SVIL: variants seen among roughly 807,000 people sequenced by gnomAD.
SVIL encodes the protein supervillin, also known as archvillin.
A neutral mutation model predicts 240.4 loss-of-function variants in SVIL; 101 were observed. The ratio of observed to expected loss-of-function variants is 0.42; its 90% CI spans 0.36 to 0.50. SVIL has a LOEUF of 0.50. SVIL is among the 20% of genes least tolerant of loss of function. The pLI is 0.01. For synonymous variants in SVIL, 999 were observed against 1,100.0 expected (o/e 0.91, Z 1.82); for missense variants, 2,512 against 2,818.7 (o/e 0.89, Z 2.46).
At chr10:29,699,838 G>A (rs1351710075) in intron 1 of SVIL, among the ~76,000 whole-genome samples, 1 of 152,220 alleles carries the variant, frequency 6.6e-6, no homozygotes, top group African/African-American at 2.4e-5. Context: ...TGTCTGCTAT[G>A]CAGTGTCCTC....
intron 13 of SVIL, among the ~76,000 whole-genome samples, chr10:29,525,350 A>G (rs1188173037): frequency 6.6e-6 from 1 of 152,190 alleles, no homozygotes; most frequent in Non-Finnish European, 1.5e-5. Flanking sequence ...CCAACTGGCC[A>G]GGTCTGGTGG....
intron 1 of SVIL, among the ~76,000 whole-genome samples, chr10:29,704,853 T>C (rs1042192137): frequency 6.6e-6 from 1 of 151,938 alleles, no homozygotes; most frequent in African/African-American, 2.4e-5. Flanking sequence ...CTCTCAGGAG[T>C]CCTGGGGATT....
chr10:29,465,696 C>G lies in SVIL; in HGVS notation c.6032G>C (p.Gly2011Ala). Residue 2011 changes from glycine to alanine, a missense_variant, in exon 34 of 38, where the codon GGG becomes GCG. Gly to Ala is a moderately conservative substitution (Grantham distance 60). Coordinates refer to ENST00000355867, the MANE Select transcript of SVIL (RefSeq NM_021738.3). The part of the protein sequence containing the change: ...PRLFILSSSS[G>A]DFAATEFVYP... ...CACAAACTCTGTGGCTGCAAAATCC[C>G]CAGAGGAGCTGCTGAGGATGAACAG... 1.9e-6 allele frequency: 3 copies of G among 1,613,272 alleles called. No individual in the cohort carries two copies. The highest frequency in any genetic ancestry group is 2.5e-6 in the Non-Finnish European group (3 of 1,179,958).
At position 29,678,513 on chromosome 10, in the gene SVIL, C is replaced by CCTG. The variant is rs539150687; in HGVS notation, c.-301+8037_-301+8039dup. ...TCACTCGTTCACCTGCCGCTCACCT[C>CCTG]CTGCTGTGCAGGTTCCAAACAGGCC... On this transcript the variant is annotated intron_variant, in intron 2 of 35. Transcript: ENST00000375400. Among the ~76,000 whole-genome samples, 11 of 152,320 alleles carry CCTG rather than the reference C, an allele frequency of 7.2e-5. No individual in the cohort carries two copies. In the East Asian group the frequency reaches 1.5e-3, roughly 21 times the overall value.
At chr10:29,604,100 C>A (rs191183099) in intron 1 of SVIL, among the ~76,000 whole-genome samples, 36 of 152,122 alleles carry the variant, frequency 2.4e-4, no homozygotes, top group Non-Finnish European at 5.9e-5. Flanking sequence ...ATCCATGGTG[C>A]AGTACAATAA....
intron 1 of SVIL, among the ~76,000 whole-genome samples, chr10:29,601,424 G>A (rs1190630587): frequency 6.6e-6 from 1 of 152,206 alleles, no homozygotes; most frequent in African/African-American, 2.4e-5. Context: ...GTAGAAATGT[G>A]TTTAAACTGA....
At chr10:29,714,376 A>G (rs1003488989) in intron 1 of SVIL, among the ~76,000 whole-genome samples, 4 of 152,244 alleles carry the variant, frequency 2.6e-5, no homozygotes, top group African/African-American at 9.6e-5. Flanking sequence ...TTTAGAAACA[A>G]CATGAGGTGA....
chr10:29,486,203 A>C lies in SVIL; in HGVS notation c.4661T>G (p.Leu1554Arg), dbSNP rs61733424. The change falls in exon 26 of 38, where the codon CTC becomes CGC. Residue 1554 changes from leucine to arginine, a missense_variant. Physicochemically the swap from Leu to Arg is moderately radical, Grantham distance 102 (BLOSUM62 -2). Around this residue, in one of 3 missense-constraint regions of SVIL, gnomAD observed 797 missense variants for 925.3 expected, o/e 0.86. Transcript: ENST00000355867. ...AGTTTCTATTATGGCTGCTTCATAG[A>C]GTTCATCTTCTTTTGGGTCTCCAGC... ...QSAGDPKEDE[L>R]YEAAIIETNC... 9.0e-4 allele frequency: 1,457 copies of C among 1,614,206 alleles called. 15 individuals are homozygous for C. The African/African-American group carries it at 0.018, about 20-fold the overall frequency.
At position 29,584,783 on chromosome 10, in the gene SVIL, C is replaced by G. The variant is rs193153694; in HGVS notation, c.-200-15471G>C. Among the ~76,000 whole-genome samples, 164 of 152,264 alleles carry G rather than the reference C, an allele frequency of 1.1e-3. 1 individual carries two copies. The highest frequency in any genetic ancestry group is 9.3e-3 in the South Asian group (45 of 4,824). ...GGTGGGAAGGGAGGCCGTGGACAGCCCGTGAAGAAGCATCAGAGCCATCCC... is the reference window on the plus strand; with the variant it reads ...GGTGGGAAGGGAGGCCGTGGACAGCGCGTGAAGAAGCATCAGAGCCATCCC... On this transcript the variant is annotated intron_variant, in intron 1 of 37. Transcript: ENST00000355867.
At chr10:29,530,764 TACA>T in intron 10 of SVIL, 96 bp from the exon 11 acceptor site, 2 of 1,318,322 alleles carry the variant, frequency 1.5e-6, no homozygotes, top group Non-Finnish European at 2.2e-6. Context: ...AATCTTTGAA[TACA>T]ACAATAGGTG....
chr10:29,472,588 G>A (rs1211331534), intron 30 of SVIL, among the ~76,000 whole-genome samples: 1 of 152,222 alleles, frequency 6.6e-6, no homozygotes, highest in Non-Finnish European at 1.5e-5. Flanking sequence ...CAGAGCAGAG[G>A]AGACTCAGGC....
In SVIL at chr10:29,532,916, G is replaced by A. The variant is rs1357214134; in HGVS notation, c.1451C>T (p.Thr484Ile). ...TTCCTTCTGATGCTCTAAGGTGACTGTGCTCACAGCAGGCTTACCAAAGTC... is the reference window on the plus strand; with the variant it reads ...TTCCTTCTGATGCTCTAAGGTGACTATGCTCACAGCAGGCTTACCAAAGTC... Reference protein sequence around the residue: ...NEDFGKPAVSTVTLEHQKELE... With the variant: ...NEDFGKPAVSIVTLEHQKELE... Residue 484 changes from threonine to isoleucine, a missense_variant, in exon 8 of 38, where the codon ACA becomes ATA. Thr to Ile is a moderately conservative substitution (Grantham distance 89, BLOSUM62 -1). Coordinates refer to ENST00000355867, the MANE Select transcript of SVIL (RefSeq NM_021738.3). 1 of 1,614,138 alleles carries A rather than the reference G, an allele frequency of 6.2e-7. No individual in the cohort carries two copies. Among genetic ancestry groups the A allele is most frequent in the Non-Finnish European group, 8.5e-7 (1 of 1,180,034 alleles).
At chr10:29,640,142 TC>T (rs1158140978) in intron 3 of SVIL, among the ~76,000 whole-genome samples, 1 of 152,096 alleles carries the variant, frequency 6.6e-6, no homozygotes, top group Non-Finnish European at 1.5e-5. Flanking sequence ...AACCACTGTC[TC>T]CTCTCCCCCA....
At chr10:29,697,036 G>A (rs1402820125) in intron 1 of SVIL, among the ~76,000 whole-genome samples, 21 of 129,812 alleles carry the variant, frequency 1.6e-4, no homozygotes, top group East Asian at 7.8e-4. Flanking sequence ...CCCCCCGCCC[G>A]GCCAGCCGCC....
chr10:29,602,595 C>T (rs1956858078), intron 1 of SVIL, among the ~76,000 whole-genome samples: 1 of 152,214 alleles, frequency 6.6e-6, no homozygotes, highest in South Asian at 2.1e-4. Flanking sequence ...CAATCATGTA[C>T]ATTTGTAAAC....
chr10:29,617,304 C>T (rs776367520), intron 1 of SVIL, among the ~76,000 whole-genome samples: 1 of 152,154 alleles, frequency 6.6e-6, no homozygotes, highest in Non-Finnish European at 1.5e-5. Context: ...TTGTCAGTTA[C>T]ATTTGCAGGC....
chr10:29,656,117 C>A (rs1448437875), intron 3 of SVIL, among the ~76,000 whole-genome samples: 1 of 151,496 alleles, frequency 6.6e-6, no homozygotes, highest in Non-Finnish European at 1.5e-5. Context: ...GATCTGCCTG[C>A]CTCGGCCTCC....
chr10:29,499,485 T>C (rs894419159), intron 17 of SVIL, among the ~76,000 whole-genome samples: 10 of 152,196 alleles, frequency 6.6e-5, no homozygotes, highest in African/African-American at 2.4e-4. Flanking sequence ...GATGAATGCC[T>C]CTGTCCTGTG....
chr10:29,687,922 G>T (rs983422241), intron 1 of SVIL, among the ~76,000 whole-genome samples: 3 of 152,026 alleles, frequency 2.0e-5, no homozygotes, highest in African/African-American at 7.3e-5. Flanking sequence ...GTTACTCCCA[G>T]TTTCAGCAAT....
Sources: allele counts gnomAD v4.1 joint callset (sites outside exome capture counted in the v4.1 genomes callset), GRCh38; gene constraint gnomAD v4.1.1; regional missense constraint gnomAD v4.1.1; transcripts MANE v1.5; gene names NCBI Gene and HGNC (gene_info 2026-07-23, HGNC 2026-07-21).